GPR25: variants seen among roughly 807,000 people sequenced by gnomAD.
The protein encoded by GPR25 is G protein-coupled receptor 25, also known as C-X-C chemokine receptor GPR25.
For missense variants in GPR25, 501 were observed against 503.0 expected (o/e 1.00, Z 0.04); for synonymous variants, 280 against 264.9 (o/e 1.06, Z -0.55).
chr1:200,873,392 C>A lies in GPR25; in HGVS notation c.355C>A (p.Leu119Met). Residue 119 changes from leucine to methionine, a missense_variant, in exon 1 of 1, where the codon CTG becomes ATG. Leu to Met is a conservative substitution (Grantham distance 15). Transcript: ENST00000304244. ...CCTCTGCAAGCTCAGCAGCTTCGCG[C>A]TGGCGGGCACGCGCTGCGCGGGCGC... ...DGLCKLSSFA[L>M]AGTRCAGALL... The A allele has an allele frequency of 6.7e-7, 1 of 1,492,640 alleles. No homozygotes were observed. The highest frequency in any genetic ancestry group is 8.8e-7 in the Non-Finnish European group (1 of 1,130,922). The allele number at this position is 1,492,640 out of a possible 1,614,324, so 92.5% of individuals were successfully genotyped here. A position where few individuals can be genotyped will look rare whatever the true frequency, so the allele number is the denominator to read the frequency against.
In GPR25 at chr1:200,874,010, C is replaced by T. The variant is rs748505357; in HGVS notation, c.973C>T (p.Arg325Cys). 1.2e-6 allele frequency: 2 copies of T among 1,611,690 alleles called. No homozygotes were observed. Among genetic ancestry groups the T allele is most frequent in the South Asian group, 1.1e-5 (1 of 90,980 alleles). The change falls in exon 1 of 1, where the codon CGC becomes TGC. Residue 325 changes from arginine (R) to cysteine (C), a missense_variant. Physicochemically the swap from Arg to Cys is radical, Grantham distance 180 (BLOSUM62 -3). Transcript: ENST00000304244. ...RARALDGACGRTGRLARRISS... is the reference protein window; with the variant it reads ...RARALDGACGCTGRLARRISS... ...CCGGGCGCTGGACGGGGCCTGCGGG[C>T]GCACCGGCCGCCTGGCGCGAAGGAT...
chr1:200,873,396 C>T lies in GPR25; in HGVS notation c.359C>T (p.Ala120Val). Residue 120 changes from alanine to valine, a missense_variant, in exon 1 of 1, where the codon GCG becomes GTG. Coordinates refer to ENST00000304244, the MANE Select transcript of GPR25 (RefSeq NM_005298.4). ...TGCAAGCTCAGCAGCTTCGCGCTGG[C>T]GGGCACGCGCTGCGCGGGCGCGCTG... Reference protein sequence around the residue: ...GLCKLSSFALAGTRCAGALLL... With the variant: ...GLCKLSSFALVGTRCAGALLL... 2 of 1,491,884 alleles carry T rather than the reference C, an allele frequency of 1.3e-6. No individual in the cohort carries two copies. The highest frequency in any genetic ancestry group is 1.8e-6 in the Non-Finnish European group (2 of 1,130,570). 92.4% of individuals were successfully genotyped at this position (1,491,884 alleles called of 1,614,324 possible).
rs767975347 is a variant in GPR25, at chr1:200,873,398, G to A, written c.361G>A (p.Gly121Ser). ...CAAGCTCAGCAGCTTCGCGCTGGCGGGCACGCGCTGCGCGGGCGCGCTGCT... is the reference window on the plus strand; with the variant it reads ...CAAGCTCAGCAGCTTCGCGCTGGCGAGCACGCGCTGCGCGGGCGCGCTGCT... ...LCKLSSFALA[G>S]TRCAGALLLA... Residue 121 changes from glycine to serine, a missense_variant, in exon 1 of 1, where the codon GGC (glycine) becomes AGC (serine). Gly to Ser is a moderately conservative substitution (Grantham distance 56). Coordinates refer to ENST00000304244, the MANE Select transcript of GPR25 (RefSeq NM_005298.4). The A allele has an allele frequency of 7.4e-6, 11 of 1,494,224 alleles. No individual in the cohort carries two copies. The South Asian group carries it at 1.3e-4, about 17-fold the overall frequency. The allele number at this position is 1,494,224 out of a possible 1,614,324, so 92.6% of individuals were successfully genotyped here. A position where few individuals can be genotyped will look rare whatever the true frequency, so the allele number is the denominator to read the frequency against.
rs1488725198 is a variant in GPR25 at position 200,873,672 on chromosome 1, T to G, written c.635T>G (p.Val212Gly). Residue 212 changes from valine to glycine, a missense_variant, in exon 1 of 1, where the codon GTG becomes GGG. Val to Gly is a moderately radical substitution (Grantham distance 109, BLOSUM62 -3). Coordinates refer to ENST00000304244, the MANE Select transcript of GPR25 (RefSeq NM_005298.4). Reference protein sequence around the residue: ...LSLLLLLLTFVLPLVVTLFCY... With the variant: ...LSLLLLLLTFGLPLVVTLFCY... The stretch of plus-strand genomic sequence containing the variant: ...TTGCTGCTGCTGCTGCTGACCTTCG[T>G]GCTGCCCCTGGTCGTCACCCTCTTC... 6.3e-7 allele frequency: 1 copy of G among 1,598,352 alleles called. No individual in the cohort carries two copies.
At position 200,873,382 on chromosome 1, in the gene GPR25, C is replaced by T; in HGVS notation, c.345C>T (p.Ser115=). Residue 115 remains serine (S), a synonymous_variant, in exon 1 of 1, where the codon AGC becomes AGT. Coordinates refer to ENST00000304244, the MANE Select transcript of GPR25 (RefSeq NM_005298.4). Reference sequence around the variant, plus strand: ...TCGGCGATGGCCTCTGCAAGCTCAGCAGCTTCGCGCTGGCGGGCACGCGCT... The same window carrying T: ...TCGGCGATGGCCTCTGCAAGCTCAGTAGCTTCGCGCTGGCGGGCACGCGCT... ...WPFGDGLCKL[S]SFALAGTRCA... is the part of the protein sequence containing the mutation. 7 of 1,491,226 alleles carry T rather than the reference C, an allele frequency of 4.7e-6. No homozygotes were observed. Among genetic ancestry groups the T allele is most frequent in the Non-Finnish European group, 6.2e-6 (7 of 1,130,346 alleles). The allele number at this position is 1,491,226 out of a possible 1,614,324, so 92.4% of individuals were successfully genotyped here. A position where few individuals can be genotyped will look rare whatever the true frequency, so the allele number is the denominator to read the frequency against.
chr1:200,873,647 T>TTGCTGC lies in GPR25; in HGVS notation c.622_627dup (p.Leu208_Leu209dup), dbSNP rs749746744. 3 of 1,597,098 alleles carry TTGCTGC rather than the reference T, an allele frequency of 1.9e-6. No individual in the cohort carries two copies. Among genetic ancestry groups the TTGCTGC allele is most frequent in the African/African-American group, 2.7e-5 (2 of 74,824 alleles). ...CTCCCACGCCTTCCAGGGCCTCAGC[T>TTGCTGC]TGCTGCTGCTGCTGCTGACCTTCGT... On this transcript the variant is annotated inframe_insertion, in exon 1 of 1. Transcript: ENST00000304244.
Position 200,873,306 on chromosome 1 carries a change from T to C in GPR25, c.269T>C (p.Leu90Pro), listed in dbSNP as rs1349579879. 6.5e-7 allele frequency: 1 copy of C among 1,532,260 alleles called. No individual in the cohort carries two copies. The highest frequency in any genetic ancestry group is 8.7e-7 in the Non-Finnish European group (1 of 1,144,902). The allele number at this position is 1,532,260 out of a possible 1,614,324, so 94.9% of individuals were successfully genotyped here. The change falls in exon 1 of 1, where the codon CTC becomes CCC. Residue 90 changes from leucine (L) to proline (P), a missense_variant. Physicochemically the swap from Leu to Pro is moderately conservative, Grantham distance 98. Transcript: ENST00000304244. The part of the protein sequence containing the change: ...HLAAADLGFV[L>P]TLPLWAAAAA... Reference sequence around the variant, plus strand: ...GCGGCAGCTGACCTGGGCTTCGTGCTCACGCTGCCGCTGTGGGCCGCGGCG... The same window carrying C: ...GCGGCAGCTGACCTGGGCTTCGTGCCCACGCTGCCGCTGTGGGCCGCGGCG...
Position 200,873,055 on chromosome 1 carries a change from C to T in GPR25, c.18C>T (p.Pro6=). 6.4e-7 allele frequency: 1 copy of T among 1,555,198 alleles called. No homozygotes were observed. The highest frequency in any genetic ancestry group is 8.7e-7 in the Non-Finnish European group (1 of 1,154,614). ...GCCAGGCCATGGCCCCCACAGAGCC[C>T]TGGAGCCCCAGCCCGGGGTCAGCGC... The part of the protein sequence containing the change: MAPTE[P]WSPSPGSAPW... The change falls in exon 1 of 1, where the codon CCC becomes CCT. Residue 6 remains proline (P), a synonymous_variant. Transcript: ENST00000304244.
Position 200,873,840 on chromosome 1 carries a change from A to T in GPR25, c.803A>T (p.His268Leu), listed in dbSNP as rs763346341. 1.0e-4 allele frequency: 162 copies of T among 1,601,558 alleles called. 1 individual carries two copies. The highest frequency in any genetic ancestry group is 9.0e-4 in the South Asian group (82 of 90,986). Residue 268 changes from histidine (H) to leucine (L), a missense_variant, in exon 1 of 1, where the codon CAC (histidine) becomes CTC (leucine). Transcript: ENST00000304244. The part of the protein sequence containing the change: ...LPFSALRAVF[H>L]LARLGALPLP... ...TTCAGCGCCCTGCGGGCCGTCTTCC[A>T]CCTGGCGCGTCTGGGGGCGCTGCCG...
At position 200,874,053 on chromosome 1, in the gene GPR25, T is replaced by C. The variant is rs779410871; in HGVS notation, c.1016T>C (p.Leu339Pro). 1.1e-5 allele frequency: 18 copies of C among 1,608,962 alleles called. No individual in the cohort carries two copies. Among genetic ancestry groups the C allele is most frequent in the Non-Finnish European group, 1.4e-5 (17 of 1,178,004 alleles). Residue 339 changes from leucine (L) to proline (P), a missense_variant, in exon 1 of 1, where the codon CTC becomes CCC. Physicochemically the swap from Leu to Pro is moderately conservative, Grantham distance 98 (BLOSUM62 -3). Coordinates refer to ENST00000304244, the MANE Select transcript of GPR25 (RefSeq NM_005298.4). ...CGAAGGATCAGCTCAGCCTCCTCGC[T>C]CTCCAGGGACGACAGTTCCGTGTTC... ...LARRISSASSLSRDDSSVFRC... is the reference protein window; with the variant it reads ...LARRISSASSPSRDDSSVFRC...
Position 200,873,303 on chromosome 1 carries a change from T to G in GPR25, c.266T>G (p.Val89Gly). 12 of 1,533,308 alleles carry G rather than the reference T, an allele frequency of 7.8e-6. No homozygotes were observed. Among genetic ancestry groups the G allele is most frequent in the Non-Finnish European group, 1.0e-5 (12 of 1,145,246 alleles). The allele number at this position is 1,533,308 out of a possible 1,614,324, so 95.0% of individuals were successfully genotyped here. A position where few individuals can be genotyped will look rare whatever the true frequency, so the allele number is the denominator to read the frequency against. ...CTGGCGGCAGCTGACCTGGGCTTCG[T>G]GCTCACGCTGCCGCTGTGGGCCGCG... Reference protein sequence around the residue: ...LHLAAADLGFVLTLPLWAAAA... With the variant: ...LHLAAADLGFGLTLPLWAAAA... The change falls in exon 1 of 1, where the codon GTG becomes GGG. Residue 89 changes from valine to glycine, a missense_variant. Val to Gly is a moderately radical substitution (Grantham distance 109). Transcript: ENST00000304244.
At position 200,873,894 on chromosome 1, in the gene GPR25, G is replaced by T. The variant is rs1668006942; in HGVS notation, c.857G>T (p.Arg286Leu). The change falls in exon 1 of 1, where the codon CGC becomes CTC. Residue 286 changes from arginine to leucine, a missense_variant. Coordinates refer to ENST00000304244, the MANE Select transcript of GPR25 (RefSeq NM_005298.4). ...CCGTGCCCCCTGCTGCTGGCGCTGC[G>T]CTGGGGCCTCACCATTGCCACCTGC... ...PLPCPLLLAL[R>L]WGLTIATCLA... 6.2e-7 allele frequency: 1 copy of T among 1,608,718 alleles called. No homozygotes were observed. Among genetic ancestry groups the T allele is most frequent in the Non-Finnish European group, 8.5e-7 (1 of 1,178,718 alleles).
Position 200,873,042 on chromosome 1 carries a change from C to G in GPR25, c.5C>G (p.Ala2Gly). M[A>G]PTEPWSPSPG... ...CGCAGGCCTCATAGCCAGGCCATGG[C>G]CCCCACAGAGCCCTGGAGCCCCAGC... The change falls in exon 1 of 1, where the codon GCC (alanine) becomes GGC (glycine). Residue 2 changes from alanine (A) to glycine (G), a missense_variant. Transcript: ENST00000304244. 1 of 1,540,764 alleles carries G rather than the reference C, an allele frequency of 6.5e-7. No homozygotes were observed. Among genetic ancestry groups the G allele is most frequent in the South Asian group, 1.2e-5 (1 of 83,430 alleles).
Position 200,873,842 on chromosome 1 carries a change from C to A in GPR25, c.805C>A (p.Leu269Met). 1 of 1,602,630 alleles carries A rather than the reference C, an allele frequency of 6.2e-7. No individual in the cohort carries two copies. The highest frequency in any genetic ancestry group is 8.5e-7 in the Non-Finnish European group (1 of 1,179,090). ...CAGCGCCCTGCGGGCCGTCTTCCAC[C>A]TGGCGCGTCTGGGGGCGCTGCCGCT... is the stretch of plus-strand genomic sequence containing the variant. Reference protein sequence around the residue: ...PFSALRAVFHLARLGALPLPC... With the variant: ...PFSALRAVFHMARLGALPLPC... The change falls in exon 1 of 1, where the codon CTG becomes ATG. Residue 269 changes from leucine to methionine, a missense_variant. Transcript: ENST00000304244.
rs1219784161 is a variant in GPR25, at chr1:200,873,998, G to C, written c.961G>C (p.Gly321Arg). 9 of 1,611,806 alleles carry C rather than the reference G, an allele frequency of 5.6e-6. No individual in the cohort carries two copies. The highest frequency in any genetic ancestry group is 1.3e-5 in the African/African-American group (1 of 74,934). Reference sequence around the variant, plus strand: ...CTCATTCCGAGCCCGGGCGCTGGACGGGGCCTGCGGGCGCACCGGCCGCCT... The same window carrying C: ...CTCATTCCGAGCCCGGGCGCTGGACCGGGCCTGCGGGCGCACCGGCCGCCT... ...DRSFRARALD[G>R]ACGRTGRLAR... Residue 321 changes from glycine (G) to arginine (R), a missense_variant, in exon 1 of 1, where the codon GGG becomes CGG. By Grantham distance (125) the Gly-to-Arg change is moderately radical (BLOSUM62 -2). Coordinates refer to ENST00000304244, the MANE Select transcript of GPR25 (RefSeq NM_005298.4).
rs1667990941 is a variant in GPR25 at position 200,873,024 on chromosome 1, C to T, written c.-14C>T. The T allele has an allele frequency of 1.3e-6, 2 of 1,522,668 alleles. No homozygotes were observed. The highest frequency in any genetic ancestry group is 1.8e-6 in the Non-Finnish European group (2 of 1,139,268). 94.3% of individuals were successfully genotyped at this position (1,522,668 alleles called of 1,614,324 possible). A position where few individuals can be genotyped will look rare whatever the true frequency, so the allele number is the denominator to read the frequency against. On this transcript the variant is annotated 5_prime_UTR_variant, in exon 1 of 1. Coordinates refer to ENST00000304244, the MANE Select transcript of GPR25 (RefSeq NM_005298.4). ...GCCCAGGGCTGCACTCCGCGCAGGCCTCATAGCCAGGCCATGGCCCCCACA... is the reference window on the plus strand; with the variant it reads ...GCCCAGGGCTGCACTCCGCGCAGGCTTCATAGCCAGGCCATGGCCCCCACA...
chr1:200,874,033 G>T lies in GPR25; in HGVS notation c.996G>T (p.Arg332Ser), dbSNP rs367604641. 2 of 1,611,134 alleles carry T rather than the reference G, an allele frequency of 1.2e-6. No homozygotes were observed. Among genetic ancestry groups the T allele is most frequent in the African/African-American group, 2.7e-5 (2 of 74,924 alleles). The change falls in exon 1 of 1, where the codon AGG becomes AGT. Residue 332 changes from arginine to serine, a missense_variant. Transcript: ENST00000304244. ...GGCGCACCGGCCGCCTGGCGCGAAG[G>T]ATCAGCTCAGCCTCCTCGCTCTCCA... ...ACGRTGRLAR[R>S]ISSASSLSRD...
Position 200,873,028 on chromosome 1 carries a change from T to C in GPR25, c.-10T>C. 2 of 1,526,748 alleles carry C rather than the reference T, an allele frequency of 1.3e-6. No homozygotes were observed. Among genetic ancestry groups the C allele is most frequent in the Non-Finnish European group, 1.8e-6 (2 of 1,140,964 alleles). The allele number at this position is 1,526,748 out of a possible 1,614,324, so 94.6% of individuals were successfully genotyped here. Reference sequence around the variant, plus strand: ...AGGGCTGCACTCCGCGCAGGCCTCATAGCCAGGCCATGGCCCCCACAGAGC... The same window carrying C: ...AGGGCTGCACTCCGCGCAGGCCTCACAGCCAGGCCATGGCCCCCACAGAGC... On this transcript the variant is annotated 5_prime_UTR_variant, in exon 1 of 1. Transcript: ENST00000304244.
chr1:200,873,687 T>A lies in GPR25; in HGVS notation c.650T>A (p.Val217Asp), dbSNP rs768324558. ...LLLTFVLPLV[V>D]TLFCYCRISR... The stretch of plus-strand genomic sequence containing the variant: ...CTGACCTTCGTGCTGCCCCTGGTCG[T>A]CACCCTCTTCTGCTACTGCCGCATC... Residue 217 changes from valine to aspartate, a missense_variant, in exon 1 of 1, where the codon GTC (valine) becomes GAC (aspartate). Transcript: ENST00000304244. 2 of 1,598,326 alleles carry A rather than the reference T, an allele frequency of 1.3e-6. No individual in the cohort carries two copies. Among genetic ancestry groups the A allele is most frequent in the Non-Finnish European group, 1.7e-6 (2 of 1,179,440 alleles).
Sources: allele counts gnomAD v4.1 joint callset, GRCh38; gene constraint gnomAD v4.1.1; transcripts MANE v1.5; gene names NCBI Gene and HGNC (gene_info 2026-07-23, HGNC 2026-07-21).